The following ENDOU variants were observed in gnomAD, a reference collection of about 807,000 sequenced individuals.
ENDOU encodes uridylate-specific endoribonuclease.
A neutral mutation model predicts 54.2 loss-of-function variants in ENDOU; 49 were observed. The observed-to-expected ratio is 0.90, with a 90% CI of 0.72 to 1.15. The LOEUF (loss-of-function observed/expected upper bound fraction) is 1.15. ENDOU is among the 50% of genes most tolerant of loss of function. The pLI is 0.00. For missense variants in ENDOU, 458 were observed against 511.4 expected (o/e 0.90, Z 1.01); for synonymous variants, 172 against 190.5 (o/e 0.90, Z 0.80).
chr12:47,711,819 G>C lies in ENDOU; in HGVS notation c.973-44C>G, dbSNP rs562080641. On this transcript the variant is annotated intron_variant, in intron 8 of 9. Coordinates refer to ENST00000422538, the MANE Select transcript of ENDOU (RefSeq NM_001172439.2). Reference sequence around the variant, plus strand: ...AAAAGGGGGTCTGGTGAGTGCCACAGAGTGGAGTAGAACGGGTGCCCAATG... The same window carrying C: ...AAAAGGGGGTCTGGTGAGTGCCACACAGTGGAGTAGAACGGGTGCCCAATG... 35 of 1,610,324 alleles carry C rather than the reference G, an allele frequency of 2.2e-5. No homozygotes were observed. In the South Asian group the frequency reaches 2.3e-4, roughly 11 times the overall value.
chr12:47,711,021 G>A (rs953205784), intron 9 of ENDOU, 102 bp from the exon 10 acceptor site: 5 of 679,116 alleles, frequency 7.4e-6, no homozygotes, highest in Non-Finnish European at 1.3e-5. Context: ...GCTCCATTCT[G>A]CTTAAACAGC....
intron 9 of ENDOU, among the ~76,000 whole-genome samples, 199 bp from the exon 10 acceptor site, chr12:47,711,118 T>A (rs1939984629): frequency 6.6e-6 from 1 of 152,240 alleles, no homozygotes; most frequent in African/African-American, 2.4e-5. Context: ...TTTGCCTTAT[T>A]TCTTGTCTTC....
chr12:47,711,570 G>C (rs1940003048), intron 9 of ENDOU, 63 bp downstream of exon 9: 1 of 1,570,112 alleles, frequency 6.4e-7, no homozygotes, highest in African/African-American at 1.3e-5. Context: ...TCTTGACTCT[G>C]TGATGGCTGA....
At chr12:47,721,004 G>T in intron 1 of ENDOU, 129 bp from the exon 2 acceptor site, 1 of 842,472 alleles carries the variant, frequency 1.2e-6, no homozygotes, top group Non-Finnish European at 1.8e-6. Flanking sequence ...TCTCTGCAAA[G>T]GAGAAGTACA....
At chr12:47,711,183 C>T (rs1939986932) in intron 9 of ENDOU, among the ~76,000 whole-genome samples, 1 of 152,188 alleles carries the variant, frequency 6.6e-6, no homozygotes, top group South Asian at 2.1e-4. Context: ...ATCCCAGATT[C>T]TGGAGGTGAA....
intron 4 of ENDOU, 107 bp downstream of exon 4, chr12:47,717,411 C>T: frequency 1.5e-6 from 2 of 1,291,698 alleles, no homozygotes; most frequent in Non-Finnish European, 2.2e-6. Context: ...GTGTTTCTAA[C>T]AAGTTCTCAG....
chr12:47,710,779 C>A lies in ENDOU; in HGVS notation c.*23G>T, dbSNP rs749315737. 4.6e-6 allele frequency: 7 copies of A among 1,531,050 alleles called. No homozygotes were observed. The highest frequency in any genetic ancestry group is 6.3e-6 in the Non-Finnish European group (7 of 1,103,940). The allele number at this position is 1,531,050 out of a possible 1,614,324, so 94.8% of individuals were successfully genotyped here. ...CTTCAGTCTCGCAAGAGCCCTCATG[C>A]CCCTTTCTGGCTCGAAGTTCTATTA... is the stretch of plus-strand genomic sequence containing the variant. On this transcript the variant is annotated 3_prime_UTR_variant, in exon 10 of 10. Transcript: ENST00000422538.
chr12:47,719,251 G>C (rs1940355342), intron 2 of ENDOU: 2 of 152,082 alleles, frequency 1.3e-5, no homozygotes, highest in Admixed American at 6.6e-5. Flanking sequence ...AGGTGAACAA[G>C]CCTTCCTGTG....
At chr12:47,713,829 C>T (rs1455999190) in intron 6 of ENDOU, among the ~76,000 whole-genome samples, 1 of 151,198 alleles carries the variant, frequency 6.6e-6, no homozygotes, top group African/African-American at 2.4e-5. Context: ...AAGGAACTTG[C>T]TACACAAAGA....
chr12:47,717,796 C>T (rs1279038945), intron 3 of ENDOU, 141 bp from the exon 4 acceptor site: 1 of 820,392 alleles, frequency 1.2e-6, no homozygotes, highest in South Asian at 1.7e-5. Flanking sequence ...AAACCTAATT[C>T]GTGCACACCC....
rs760630391 is a variant in ENDOU at position 47,717,009 on chromosome 12, G to A, written c.432C>T (p.Ile144=). The A allele has an allele frequency of 3.1e-6, 5 of 1,614,076 alleles. No homozygotes were observed. The East Asian group carries it at 8.9e-5, about 29-fold the overall frequency. The change falls in exon 5 of 10, where the codon ATC becomes ATT. Residue 144 remains isoleucine (I), a synonymous_variant. Coordinates refer to ENST00000422538, the MANE Select transcript of ENDOU (RefSeq NM_001172439.2). ...TGTCTGCCCTGTAGATCTTCTCAGA[G>A]ATGCTCTGAATCTCCTCTTTTGTTA... ...DAITKEEIQS[I]SEKIYRADTN...
Position 47,716,307 on chromosome 12 carries a change from A to G in ENDOU, c.744T>C (p.His248=), listed in dbSNP as rs748037529. 1.2e-6 allele frequency: 2 copies of G among 1,614,000 alleles called. No individual in the cohort carries two copies. Among genetic ancestry groups the G allele is most frequent in the Non-Finnish European group, 1.7e-6 (2 of 1,180,004 alleles). The change falls in exon 6 of 10, where the codon CAT becomes CAC. Residue 248 remains histidine, a synonymous_variant. Transcript: ENST00000422538. ...CTGGGGGTGCTCACTCACTCTGGTGATGGAGGAAGCTGTAGAGCTCCTTCA... is the reference window on the plus strand; with the variant it reads ...CTGGGGGTGCTCACTCACTCTGGTGGTGGAGGAAGCTGTAGAGCTCCTTCA... ...AVMKELYSFL[H]HQNRYGSEQE... is the part of the protein sequence containing the mutation.
Position 47,710,764 on chromosome 12 carries a change from G to A in ENDOU, c.*38C>T, listed in dbSNP as rs201335664. 7.2e-6 allele frequency: 10 copies of A among 1,394,018 alleles called. No homozygotes were observed. Among genetic ancestry groups the A allele is most frequent in the East Asian group, 6.8e-5 (3 of 43,898 alleles). 86.4% of individuals were successfully genotyped at this position (1,394,018 alleles called of 1,614,324 possible). Reference sequence around the variant, plus strand: ...CCAGAGAAGATAGCACTTCAGTCTCGCAAGAGCCCTCATGCCCCTTTCTGG... The same window carrying A: ...CCAGAGAAGATAGCACTTCAGTCTCACAAGAGCCCTCATGCCCCTTTCTGG... On this transcript the variant is annotated 3_prime_UTR_variant, in exon 10 of 10. Transcript: ENST00000422538.
chr12:47,712,682 C>A, intron 7 of ENDOU, 60 bp from the exon 8 acceptor site: 2 of 1,275,756 alleles, frequency 1.6e-6, no homozygotes, highest in East Asian at 2.4e-5. Flanking sequence ...CCCTCCAATC[C>A]CCTTTCTCCA....
chr12:47,717,464 C>G, intron 4 of ENDOU, 54 bp downstream of exon 4: 1 of 1,584,138 alleles, frequency 6.3e-7, no homozygotes, highest in Non-Finnish European at 8.6e-7. Context: ...TGTTGAGAAC[C>G]TGCTCTAAAG....
intron 2 of ENDOU, chr12:47,719,099 G>C (rs1940351741): frequency 6.6e-6 from 1 of 152,160 alleles, no homozygotes. Context: ...AGAATTTTGT[G>C]TGCTGAGCTG....
Position 47,717,957 on chromosome 12 carries a change from G to A in ENDOU, c.244+172C>T, listed in dbSNP as rs1009265575. The A allele has an allele frequency of 7.7e-5, 50 of 651,588 alleles. No individual in the cohort carries two copies. The Admixed American group carries it at 1.5e-3, about 19-fold the overall frequency. The allele number at this position is 651,588 out of a possible 1,614,324, so 40.4% of individuals were successfully genotyped here. A position where few individuals can be genotyped will look rare whatever the true frequency, so the allele number is the denominator to read the frequency against. On this transcript the variant is annotated intron_variant, in intron 3 of 9. Coordinates refer to ENST00000422538, the MANE Select transcript of ENDOU (RefSeq NM_001172439.2). ...GCTACCCTCCTCCCATGGCCCCCCAGGCTGGCTGAGCCCCCCCAGGCTTCT... is the reference window on the plus strand; with the variant it reads ...GCTACCCTCCTCCCATGGCCCCCCAAGCTGGCTGAGCCCCCCCAGGCTTCT...
chr12:47,714,254 A>G (rs1385894586), intron 6 of ENDOU, among the ~76,000 whole-genome samples: 1 of 152,256 alleles, frequency 6.6e-6, no homozygotes, highest in Non-Finnish European at 1.5e-5. Context: ...ACAGCACTTG[A>G]GTCCACTCAG....
At chr12:47,720,956 A>G (rs941165225) in intron 1 of ENDOU, 81 bp from the exon 2 acceptor site, 2 of 1,394,072 alleles carry the variant, frequency 1.4e-6, no homozygotes, top group Admixed American at 4.0e-5. Flanking sequence ...GGGTTCACAG[A>G]CCAGGGCAGG....
Sources: gnomAD v4.1 joint callset for allele counts (sites outside exome capture counted in the v4.1 genomes callset) on GRCh38, gnomAD v4.1.1 for gene constraint, MANE v1.5 for transcripts, NCBI Gene and HGNC (gene_info 2026-07-23, HGNC 2026-07-21) for gene names.